The following FAM83B variants were observed in gnomAD, a reference collection of about 807,000 sequenced individuals.
FAM83B encodes the protein scaffolding CK1 anchoring protein B.
Under a neutral mutation model 38.8 loss-of-function variants are expected in FAM83B, and 26 were observed. That is an observed-to-expected ratio of 0.67 (90% CI 0.49 to 0.93). The LOEUF (loss-of-function observed/expected upper bound fraction) is 0.93. Ranked by LOEUF, FAM83B falls within the 40% of genes least tolerant of loss-of-function variation. FAM83B has a pLI of 0.00. For synonymous variants in FAM83B, 419 were observed against 423.1 expected (o/e 0.99, Z 0.12); for missense variants, 1,237 against 1,197.3 (o/e 1.03, Z -0.49).
At chr6:54,857,140 C>T (rs922078740) in intron 1 of FAM83B, among the ~76,000 whole-genome samples, 3 of 152,124 alleles carry the variant, frequency 2.0e-5, no homozygotes, top group Admixed American at 6.5e-5. Context: ...TATAGACTTT[C>T]GCACTATTTT....
chr6:54,908,905 G>C (rs1772840890), intron 2 of FAM83B, among the ~76,000 whole-genome samples: 1 of 152,136 alleles, frequency 6.6e-6, no homozygotes, highest in African/African-American at 2.4e-5. Flanking sequence ...TATAATAGTA[G>C]AGTACTGATC....
At chr6:54,884,640 CAA>C (rs937908609) in intron 2 of FAM83B, among the ~76,000 whole-genome samples, 15 of 152,076 alleles carry the variant, frequency 9.9e-5, no homozygotes, top group Non-Finnish European at 1.8e-4. Flanking sequence ...TGTCATAACT[CAA>C]GTGACCACTT....
intron 1 of FAM83B, among the ~76,000 whole-genome samples, chr6:54,861,247 A>G (rs887029641): frequency 2.0e-5 from 3 of 152,228 alleles, no homozygotes; most frequent in African/African-American, 7.2e-5. Flanking sequence ...AACTGCATCA[A>G]AATGTCCCAG....
At position 54,941,751 on chromosome 6, in the gene FAM83B, A is replaced by T. The variant is rs748793542; in HGVS notation, c.2780A>T (p.His927Leu). The part of the protein sequence containing the change: ...RPTSSELLRS[H>L]STDRRVYSRF... ...ACGTCCAGTGAGCTTCTACGATCTC[A>T]TTCAACTGATCGGCGTGTTTACAGT... Residue 927 changes from histidine (H) to leucine (L), a missense_variant, in exon 5 of 5, where the codon CAT (histidine) becomes CTT (leucine). Coordinates refer to ENST00000306858, the MANE Select transcript of FAM83B (RefSeq NM_001010872.3). 5.6e-6 allele frequency: 9 copies of T among 1,614,012 alleles called. No homozygotes were observed. Among genetic ancestry groups the T allele is most frequent in the Non-Finnish European group, 7.6e-6 (9 of 1,179,918 alleles).
At chr6:54,911,140 C>CGCGTGTGTGT (rs1772899400) in intron 2 of FAM83B, among the ~76,000 whole-genome samples, 1 of 147,404 alleles carries the variant, frequency 6.8e-6, no homozygotes, top group African/African-American at 2.5e-5. Flanking sequence ...TGACACACAG[C>CGCGTGTGTGT]GTGTGTGTGT....
chr6:54,852,767 A>G (rs551542303), intron 1 of FAM83B, among the ~76,000 whole-genome samples: 5 of 152,338 alleles, frequency 3.3e-5, no homozygotes, highest in African/African-American at 1.2e-4. Flanking sequence ...GTAAACACAC[A>G]CATCATGAGA....
rs944147070 is a variant in FAM83B at position 54,861,131 on chromosome 6, A to C, written c.-60-9056A>C. ...TAGTCTCTAGTTTATACTTTAGTCA[A>C]CTCTCACTCTGTTACCTTCCGTTAT... On this transcript the variant is annotated intron_variant, in intron 1 of 4. Coordinates refer to ENST00000306858, the MANE Select transcript of FAM83B (RefSeq NM_001010872.3). Among the ~76,000 whole-genome samples, 3 of 152,214 alleles carry C rather than the reference A, an allele frequency of 2.0e-5. No individual in the cohort carries two copies. The East Asian group carries it at 5.8e-4, about 29-fold the overall frequency.
chr6:54,939,242 G>T (rs1462186392), intron 4 of FAM83B, among the ~76,000 whole-genome samples: 1 of 151,982 alleles, frequency 6.6e-6, no homozygotes, highest in East Asian at 1.9e-4. Flanking sequence ...ATACCAGTAG[G>T]ATGCTGTTTT....
intron 2 of FAM83B, among the ~76,000 whole-genome samples, chr6:54,896,309 T>G (rs2127581334): frequency 6.6e-6 from 1 of 152,348 alleles, no homozygotes; most frequent in African/African-American, 2.4e-5. Flanking sequence ...TTGGCTACCT[T>G]GTAGCATCCA....
chr6:54,851,472 T>C (rs1771285980), intron 1 of FAM83B, among the ~76,000 whole-genome samples: 1 of 151,754 alleles, frequency 6.6e-6, no homozygotes, highest in African/African-American at 2.4e-5. Context: ...TGTTTTGTTT[T>C]GGTTTGGTTT....
At chr6:54,875,338 T>C (rs560234895) in intron 2 of FAM83B, among the ~76,000 whole-genome samples, 79 of 152,180 alleles carry the variant, frequency 5.2e-4, no homozygotes, top group Non-Finnish European at 8.7e-4. Flanking sequence ...GTTATTTATA[T>C]GTTTATCTGT....
chr6:54,892,151 T>C (rs11965123), intron 2 of FAM83B, among the ~76,000 whole-genome samples: 93 of 152,354 alleles, frequency 6.1e-4, no homozygotes, highest in African/African-American at 2.1e-3. Flanking sequence ...TGTCATTCTT[T>C]TCTAAATATA....
At chr6:54,868,267 T>C (rs1771765020) in intron 1 of FAM83B, among the ~76,000 whole-genome samples, 1 of 152,100 alleles carries the variant, frequency 6.6e-6, no homozygotes, top group Non-Finnish European at 1.5e-5. Flanking sequence ...GTCTCATGCA[T>C]TGTAGTATGT....
rs1245538594 is a variant in FAM83B, at chr6:54,862,161, T to C, written c.-60-8026T>C. 2.0e-5 allele frequency among the ~76,000 whole-genome samples: 3 copies of C among 152,214 alleles called. No homozygotes were observed. In the East Asian group the frequency reaches 5.8e-4, roughly 29 times the overall value. On this transcript the variant is annotated intron_variant, in intron 1 of 4. Transcript: ENST00000306858. ...AGTTCTTTAATGTTTAACTTCTACA[T>C]ACATCAGAGTTATAATAGAGGATTA...
intron 2 of FAM83B, among the ~76,000 whole-genome samples, chr6:54,913,805 G>T (rs35168610): frequency 6.6e-6 from 1 of 151,478 alleles, no homozygotes; most frequent in Admixed American, 6.6e-5. Context: ...TGCTTCCTTC[G>T]TATCTCCCAC....
intron 2 of FAM83B, among the ~76,000 whole-genome samples, chr6:54,897,476 T>A (rs1772564050): frequency 6.6e-6 from 1 of 151,970 alleles, no homozygotes; most frequent in South Asian, 2.1e-4. Flanking sequence ...GCCCTAAAAT[T>A]TTTTTTTAGA....
At chr6:54,934,188 G>A (rs1773482755) in intron 4 of FAM83B, among the ~76,000 whole-genome samples, 2 of 152,012 alleles carry the variant, frequency 1.3e-5, no homozygotes, top group African/African-American at 2.4e-5. Flanking sequence ...ATTTTTATTT[G>A]TAGTTTGTGT....
At chr6:54,913,539 G>A (rs1037104716) in intron 2 of FAM83B, among the ~76,000 whole-genome samples, 4 of 151,922 alleles carry the variant, frequency 2.6e-5, no homozygotes, top group African/African-American at 7.2e-5. Flanking sequence ...TACAGAGACA[G>A]ACACTTGTGG....
rs1182905315 is a variant in FAM83B at position 54,943,608 on chromosome 6, T to C, written c.*1601T>C. 1 of 152,156 alleles carries C rather than the reference T, an allele frequency of 6.6e-6. No homozygotes were observed. Among genetic ancestry groups the C allele is most frequent in the Non-Finnish European group, 1.5e-5 (1 of 68,020 alleles). 9.4% of individuals were successfully genotyped at this position (152,156 alleles called of 1,614,324 possible). ...ATATCATTAAAATAATTTTCCATAG[T>C]GTTTAGAAACCATGAAAAAGAAAAC... On this transcript the variant is annotated 3_prime_UTR_variant, in exon 5 of 5. Coordinates refer to ENST00000306858, the MANE Select transcript of FAM83B (RefSeq NM_001010872.3).
Sources: gnomAD v4.1 joint callset for allele counts (sites outside exome capture counted in the v4.1 genomes callset) on GRCh38, gnomAD v4.1.1 for gene constraint, MANE v1.5 for transcripts, NCBI Gene and HGNC (gene_info 2026-07-23, HGNC 2026-07-21) for gene names.